The following PGR variants were observed in gnomAD, a reference collection of about 807,000 sequenced individuals.
PGR encodes the protein nuclear receptor subfamily 3 group C member 3.
Under a neutral mutation model 76.1 loss-of-function variants are expected in PGR, and 25 were observed. That is an observed-to-expected ratio of 0.33 (90% CI 0.24 to 0.46). The LOEUF (loss-of-function observed/expected upper bound fraction) is 0.46. Ranked by LOEUF, PGR falls within the 20% of genes least tolerant of loss-of-function variation. The probability of loss-of-function intolerance (pLI) is 1.00; values close to 1 mark genes in which losing one functional copy is unlikely to be tolerated. For synonymous variants in PGR, 579 were observed against 535.0 expected (o/e 1.08, Z -1.14); for missense variants, 1,172 against 1,225.3 (o/e 0.96, Z 0.65).
At chr11:101,047,942 C>A (rs11224571) in intron 6 of PGR, among the ~76,000 whole-genome samples, 1,700 of 152,256 alleles carry the variant, frequency 0.011, 26 homozygotes, top group African/African-American at 0.039. Context: ...TTTCCTCTTT[C>A]TTCTGGGCCT....
At chr11:101,126,297 A>G in intron 1 of PGR, 139 bp from the exon 2 acceptor site, 1 of 789,814 alleles carries the variant, frequency 1.3e-6, no homozygotes, top group Non-Finnish European at 2.1e-6. Context: ...AAGACATGCA[A>G]ACTAAACTTG....
intron 3 of PGR, among the ~76,000 whole-genome samples, chr11:101,082,797 A>G (rs1861354260): frequency 6.6e-6 from 1 of 152,210 alleles, no homozygotes; most frequent in South Asian, 2.1e-4. Context: ...TGGAACTTAC[A>G]TTTAAAAGTG....
chr11:101,063,590 T>C (rs1860593298), intron 3 of PGR: 1 of 152,208 alleles, frequency 6.6e-6, no homozygotes, highest in Non-Finnish European at 1.5e-5. Flanking sequence ...GTTGTGGTGA[T>C]GTGATATCAG....
chr11:101,062,385 G>C, intron 4 of PGR, 62 bp downstream of exon 4: 1 of 1,208,582 alleles, frequency 8.3e-7, no homozygotes, highest in Admixed American at 1.7e-5. Context: ...ATTTAACAAT[G>C]TACTAATACA....
At chr11:101,084,393 C>T (rs1272490404) in intron 3 of PGR, among the ~76,000 whole-genome samples, 1 of 152,144 alleles carries the variant, frequency 6.6e-6, no homozygotes, top group Non-Finnish European at 1.5e-5. Context: ...CACAGTGGCT[C>T]ACACCTGTAA....
At chr11:101,106,191 C>A (rs890805013) in intron 2 of PGR, among the ~76,000 whole-genome samples, 1 of 152,086 alleles carries the variant, frequency 6.6e-6, no homozygotes, top group Admixed American at 6.6e-5. Context: ...TCTAAAACAC[C>A]AAAAGCAATG....
At chr11:101,111,308 CT>C (rs1437381957) in intron 2 of PGR, among the ~76,000 whole-genome samples, 3 of 152,060 alleles carry the variant, frequency 2.0e-5, no homozygotes, top group Admixed American at 6.5e-5. Context: ...TGCCTGCCTT[CT>C]ATATTTCAGG....
At chr11:101,116,274 T>C (rs1385990232) in intron 2 of PGR, among the ~76,000 whole-genome samples, 1 of 152,216 alleles carries the variant, frequency 6.6e-6, no homozygotes, top group Admixed American at 6.5e-5. Flanking sequence ...TCAAGTTTCA[T>C]TCTTTGTTAG....
Position 101,036,202 on chromosome 11 carries a change from T to A in PGR, c.*2914A>T, listed in dbSNP as rs570162132. 8.1e-5 allele frequency: 18 copies of A among 221,260 alleles called. No homozygotes were observed. The highest frequency in any genetic ancestry group is 3.3e-4 in the East Asian group (5 of 14,960). 13.7% of individuals were successfully genotyped at this position (221,260 alleles called of 1,614,324 possible). On this transcript the variant is annotated 3_prime_UTR_variant, in exon 8 of 8. Transcript: ENST00000325455. ...CAAGGCATAGTTTTGGCAAAAAAAA[T>A]ATTGTTCATCATATTTCCATATCAT... is the stretch of plus-strand genomic sequence containing the variant.
chr11:101,100,417 A>G (rs1861961943), intron 2 of PGR, among the ~76,000 whole-genome samples: 1 of 152,122 alleles, frequency 6.6e-6, no homozygotes, highest in Non-Finnish European at 1.5e-5. Context: ...TTCTTTTATA[A>G]ATTACCCAGT....
chr11:101,049,915 T>C lies in PGR; in HGVS notation c.2488+14A>G. 5.0e-6 allele frequency: 8 copies of C among 1,606,934 alleles called. No homozygotes were observed. The highest frequency in any genetic ancestry group is 6.8e-6 in the Non-Finnish European group (8 of 1,174,312). On this transcript the variant is annotated intron_variant, in intron 6 of 7. Transcript: ENST00000325455. The stretch of plus-strand genomic sequence containing the variant: ...AACTAGATATCTTGCATTAAGTTAC[T>C]TGAACTCACTCACTTGTATTAAGAA...
At chr11:101,054,156 G>A (rs1404998288) in intron 4 of PGR, among the ~76,000 whole-genome samples, 2 of 152,066 alleles carry the variant, frequency 1.3e-5, no homozygotes, top group African/African-American at 4.8e-5. Flanking sequence ...CTTCTATTCA[G>A]TGAACCCCTG....
At chr11:101,064,340 A>C (rs914980486) in intron 3 of PGR, among the ~76,000 whole-genome samples, 3 of 131,458 alleles carry the variant, frequency 2.3e-5, no homozygotes, top group Admixed American at 7.4e-5. Context: ...TCAAAAAAAA[A>C]AAAAAAAAAA....
chr11:101,079,014 A>G (rs550839505), intron 3 of PGR, among the ~76,000 whole-genome samples: 1 of 152,204 alleles, frequency 6.6e-6, no homozygotes, highest in South Asian at 2.1e-4. Context: ...CAAAGGTGCC[A>G]TGGATATACA....
chr11:101,100,845 T>TC (rs1354388316), intron 2 of PGR, among the ~76,000 whole-genome samples: 5 of 151,684 alleles, frequency 3.3e-5, no homozygotes, highest in South Asian at 2.1e-4. Flanking sequence ...GCACAGGACA[T>TC]CCCCCCCTGC....
At chr11:101,100,751 A>G (rs1020444870) in intron 2 of PGR, among the ~76,000 whole-genome samples, 1 of 152,148 alleles carries the variant, frequency 6.6e-6, no homozygotes, top group Admixed American at 6.5e-5. Flanking sequence ...ACATTTCACA[A>G]TATCTGGAGA....
intron 2 of PGR, among the ~76,000 whole-genome samples, chr11:101,093,084 A>G (rs1402774122): frequency 1.3e-5 from 2 of 152,198 alleles, no homozygotes; most frequent in African/African-American, 4.8e-5. Context: ...GACCTCATGC[A>G]TTTCTGGAAA....
chr11:101,091,393 C>T (rs901836502), intron 3 of PGR, among the ~76,000 whole-genome samples: 1 of 152,142 alleles, frequency 6.6e-6, no homozygotes, highest in Admixed American at 6.5e-5. Context: ...TTAATGCTCT[C>T]GTTTTACAGA....
rs865960361 is a variant in PGR at position 101,033,888 on chromosome 11, A to G, written c.*5228T>C. 45 of 215,460 alleles carry G rather than the reference A, an allele frequency of 2.1e-4. No individual in the cohort carries two copies. The highest frequency in any genetic ancestry group is 5.8e-4 in the Admixed American group (10 of 17,130). 13.3% of individuals were successfully genotyped at this position (215,460 alleles called of 1,614,324 possible). A position where few individuals can be genotyped will look rare whatever the true frequency, so the allele number is the denominator to read the frequency against. On this transcript the variant is annotated 3_prime_UTR_variant, in exon 8 of 8. Coordinates refer to ENST00000325455, the MANE Select transcript of PGR (RefSeq NM_000926.4). Reference sequence around the variant, plus strand: ...AATTTATATCTGATAAATTGAATACATCAGGATTTGATGTATTAAGAGCAA... The same window carrying G: ...AATTTATATCTGATAAATTGAATACGTCAGGATTTGATGTATTAAGAGCAA...
Sources: allele counts gnomAD v4.1 joint callset (sites outside exome capture counted in the v4.1 genomes callset), GRCh38; gene constraint gnomAD v4.1.1; transcripts MANE v1.5; gene names NCBI Gene and HGNC (gene_info 2026-07-23, HGNC 2026-07-21).